SLC13A1: variants seen among roughly 807,000 people sequenced by gnomAD.
SLC13A1 encodes the protein solute carrier family 13 member 1.
A neutral mutation model predicts 70.0 loss-of-function variants in SLC13A1; 65 were observed. The ratio of observed to expected loss-of-function variants is 0.93; its 90% CI spans 0.76 to 1.14. The LOEUF (loss-of-function observed/expected upper bound fraction) is 1.14. Among genes scored for constraint, SLC13A1 ranks in the 50% most tolerant of loss-of-function variants. The probability of loss-of-function intolerance (pLI) is 0.00; values close to 1 mark genes in which losing one functional copy is unlikely to be tolerated. For missense variants in SLC13A1, 726 were observed against 717.8 expected (o/e 1.01, Z -0.13); for synonymous variants, 275 against 250.5 (o/e 1.10, Z -0.92).
chr7:123,139,201 C>G (rs908018919), intron 7 of SLC13A1, among the ~76,000 whole-genome samples: 11 of 152,006 alleles, frequency 7.2e-5, no homozygotes, highest in African/African-American at 2.7e-4. Flanking sequence ...TTCTTGACTC[C>G]TTTGTCGAAA....
intron 1 of SLC13A1, among the ~76,000 whole-genome samples, chr7:123,189,920 T>G (rs1450547234): frequency 2.0e-5 from 3 of 152,048 alleles, no homozygotes; most frequent in African/African-American, 4.8e-5. Flanking sequence ...ATTTGAGAGC[T>G]CATCTTTTTT....
At chr7:123,193,326 A>T (rs1159073683) in intron 1 of SLC13A1, among the ~76,000 whole-genome samples, 4 of 151,524 alleles carry the variant, frequency 2.6e-5, no homozygotes, top group African/African-American at 9.7e-5. Context: ...AAAAAAAATC[A>T]GCCAAGGGTA....
In SLC13A1 at chr7:123,115,520, A is replaced by G. The variant is rs1414171931; in HGVS notation, c.1786T>C (p.Ter596GlnextTer1). ...GATAGTCAGAAATTTTGTGCTTATTATGGCATGGTCTCATTACTCATAGCA... is the reference window on the plus strand; with the variant it reads ...GATAGTCAGAAATTTTGTGCTTATTGTGGCATGGTCTCATTACTCATAGCA... ...APAMSNETMP[*>Q] The change falls in exon 15 of 15, where the codon TAA (stop) becomes CAA (glutamine). Residue 596 changes from the stop codon to glutamine, a stop_lost. Transcript: ENST00000194130. 1.2e-6 allele frequency: 2 copies of G among 1,606,940 alleles called. No individual in the cohort carries two copies. The highest frequency in any genetic ancestry group is 2.7e-5 in the African/African-American group (2 of 74,902).
chr7:123,156,357 A>C (rs1794714642), intron 6 of SLC13A1, among the ~76,000 whole-genome samples: 1 of 152,166 alleles, frequency 6.6e-6, no homozygotes, highest in Non-Finnish European at 1.5e-5. Context: ...ATCTTAATGG[A>C]AGATGCAATA....
chr7:123,165,183 C>A (rs1006902690), intron 6 of SLC13A1, among the ~76,000 whole-genome samples: 3 of 151,878 alleles, frequency 2.0e-5, no homozygotes, highest in East Asian at 3.9e-4. Context: ...TGTTAAAAAT[C>A]AAAACATATC....
At chr7:123,166,020 C>T (rs982579555) in intron 6 of SLC13A1, among the ~76,000 whole-genome samples, 1 of 151,974 alleles carries the variant, frequency 6.6e-6, no homozygotes, top group Non-Finnish European at 1.5e-5. Flanking sequence ...TTTCCAGACT[C>T]AAATGTCTTT....
At chr7:123,129,265 T>A in intron 9 of SLC13A1, 118 bp downstream of exon 9, 4 of 872,034 alleles carry the variant, frequency 4.6e-6, no homozygotes, top group Non-Finnish European at 5.3e-6. Context: ...TTGCAAGCAA[T>A]TATGTGCTTG....
rs1795631577 is a variant in SLC13A1 at position 123,181,296 on chromosome 7, AACTAAAG to A, written c.100-202_100-196del. On this transcript the variant is annotated intron_variant, in intron 1 of 14. Coordinates refer to ENST00000194130, the MANE Select transcript of SLC13A1 (RefSeq NM_022444.4). ...GAAGCAAAATTTAATAAACATAAAAAACTAAAGGGAGAAAAAAATCCCCATTCATTAC... is the reference window on the plus strand; with the variant it reads ...GAAGCAAAATTTAATAAACATAAAAAGGAGAAAAAAATCCCCATTCATTAC... 6.0e-5 allele frequency: 29 copies of A among 484,534 alleles called. 1 individual carries two copies. In the South Asian group the frequency reaches 8.5e-4, roughly 14 times the overall value. The allele number at this position is 484,534 out of a possible 1,614,324, so 30.0% of individuals were successfully genotyped here. A position where few individuals can be genotyped will look rare whatever the true frequency, so the allele number is the denominator to read the frequency against.
intron 8 of SLC13A1, among the ~76,000 whole-genome samples, chr7:123,134,005 T>C (rs1793860756): frequency 6.6e-6 from 1 of 152,066 alleles, no homozygotes; most frequent in African/African-American, 2.4e-5. Context: ...GCCTGGATGG[T>C]CCTTTTAGGG....
intron 11 of SLC13A1, 124 bp from the exon 12 acceptor site, chr7:123,123,359 G>A (rs146618938): frequency 0.02 from 12,339 of 617,606 alleles, 189 homozygotes; most frequent in South Asian, 0.022. Flanking sequence ...TTTAAAGAGG[G>A]GAATTAATCT....
chr7:123,117,362 C>T, intron 14 of SLC13A1, 109 bp downstream of exon 14: 1 of 1,087,208 alleles, frequency 9.2e-7, no homozygotes, highest in Non-Finnish European at 1.4e-6. Context: ...AGAATTCAGG[C>T]CCTGCTTTTC....
intron 6 of SLC13A1, among the ~76,000 whole-genome samples, chr7:123,152,357 A>G (rs1258648308): frequency 6.6e-6 from 1 of 152,166 alleles, no homozygotes; most frequent in African/African-American, 2.4e-5. Flanking sequence ...TTGGGGGTAC[A>G]TATATCCAGA....
intron 7 of SLC13A1, among the ~76,000 whole-genome samples, chr7:123,135,355 TAGTC>T (rs1793916851): frequency 6.6e-6 from 1 of 152,264 alleles, no homozygotes; most frequent in South Asian, 2.1e-4. Context: ...AATTCTTATA[TAGTC>T]ATTTATTTTA....
intron 1 of SLC13A1, chr7:123,190,454 T>G (rs1337192909): frequency 2.6e-6 from 1 of 388,180 alleles, no homozygotes; most frequent in Admixed American, 3.3e-5. Flanking sequence ...GGCTGGTAAC[T>G]CACCTGGGCT....
chr7:123,152,070 T>A lies in SLC13A1; in HGVS notation c.661-4760A>T, dbSNP rs531652294. ...AATCTAAATGTAGTTAAGGAATATA[T>A]AAACACTTATTATCTTTTGTCTTCT... On this transcript the variant is annotated intron_variant, in intron 6 of 14. Coordinates refer to ENST00000194130, the MANE Select transcript of SLC13A1 (RefSeq NM_022444.4). 3.5e-3 allele frequency among the ~76,000 whole-genome samples: 526 copies of A among 152,268 alleles called. 3 individuals are homozygous for A. The highest frequency in any genetic ancestry group is 0.012 in the African/African-American group (494 of 41,572).
At chr7:123,133,604 C>T (rs1243213129) in intron 8 of SLC13A1, among the ~76,000 whole-genome samples, 2 of 152,076 alleles carry the variant, frequency 1.3e-5, no homozygotes, top group African/African-American at 4.8e-5. Flanking sequence ...ATGGCGAGAT[C>T]TTGGCTCACT....
At chr7:123,154,924 T>C (rs866262977) in intron 6 of SLC13A1, among the ~76,000 whole-genome samples, 13 of 152,148 alleles carry the variant, frequency 8.5e-5, no homozygotes, top group East Asian at 1.9e-4. Context: ...ATATTGACTC[T>C]AGGTTGGAAA....
chr7:123,150,358 T>C lies in SLC13A1; in HGVS notation c.661-3048A>G, dbSNP rs147921037. ...TTCTCTACATAATTAATAGAGTCAA[T>C]GTTTCTCCTCCAACTTCTTGTTTCT... On this transcript the variant is annotated intron_variant, in intron 6 of 14. Coordinates refer to ENST00000194130, the MANE Select transcript of SLC13A1 (RefSeq NM_022444.4). Among the ~76,000 whole-genome samples the C allele has an allele frequency of 2.7e-3, 405 of 152,242 alleles. 2 individuals carry two copies. The highest frequency in any genetic ancestry group is 9.4e-3 in the African/African-American group (390 of 41,556).
chr7:123,173,531 C>T (rs1340183268), intron 2 of SLC13A1, among the ~76,000 whole-genome samples: 1 of 151,860 alleles, frequency 6.6e-6, no homozygotes, highest in Non-Finnish European at 1.5e-5. Flanking sequence ...TCCCTCTTTG[C>T]ACCTCTTCAA....
Sources: gnomAD v4.1 joint callset for allele counts (sites outside exome capture counted in the v4.1 genomes callset) on GRCh38, gnomAD v4.1.1 for gene constraint, MANE v1.5 for transcripts, NCBI Gene and HGNC (gene_info 2026-07-23, HGNC 2026-07-21) for gene names.